Variants in SDK1 observed in about 807,000 individuals in gnomAD.
SDK1 encodes sidekick cell adhesion molecule 1.
In SDK1, 157 loss-of-function variants were observed where a neutral mutation model predicts 245.5. That is an observed-to-expected ratio of 0.64 (90% CI 0.56 to 0.73). The LOEUF (loss-of-function observed/expected upper bound fraction) is 0.73, where lower values mean the gene tolerates loss of function less well. Among genes scored for constraint, SDK1 ranks in the 30% least tolerant of loss-of-function variants. The probability of loss-of-function intolerance (pLI) is 0.00; values close to 1 mark genes in which losing one functional copy is unlikely to be tolerated. For synonymous variants in SDK1, 1,647 were observed against 1,278.5 expected, an observed-to-expected ratio of 1.29 and a Z score of -6.15; for missense variants, 3,583 against 3,002.3, an observed-to-expected ratio of 1.19 and a Z score of -4.52.
chr7:4,132,292 T>C (rs1178346514), intron 27 of SDK1, 33 bp from the exon 28 acceptor site: 10 of 1,532,088 alleles, frequency 6.5e-6, no homozygotes, highest in Non-Finnish European at 9.0e-6. Context: ...AACACTGTCT[T>C]GAGATCTGAA....
intron 1 of SDK1, among the ~76,000 whole-genome samples, chr7:3,407,716 A>C (rs1310923120): frequency 1.3e-5 from 2 of 152,208 alleles, no homozygotes; most frequent in African/African-American, 4.8e-5. Context: ...GCAGTTACAC[A>C]ATGGAATATT....
chr7:4,035,104 G>T (rs137856813), intron 17 of SDK1, among the ~76,000 whole-genome samples: 141 of 152,100 alleles, frequency 9.3e-4, no homozygotes, highest in African/African-American at 3.3e-3. Flanking sequence ...TTAGCCTCCC[G>T]AGTAGCTGGG....
At chr7:3,789,879 G>A (rs1471802451) in intron 4 of SDK1, among the ~76,000 whole-genome samples, 4 of 151,656 alleles carry the variant, frequency 2.6e-5, no homozygotes, top group Non-Finnish European at 5.9e-5. Context: ...GTTTACCCGC[G>A]CACCCTGGAC....
chr7:3,686,863 G>A (rs1044294100), intron 4 of SDK1, among the ~76,000 whole-genome samples: 4 of 152,168 alleles, frequency 2.6e-5, no homozygotes, highest in Non-Finnish European at 4.4e-5. Context: ...TAGGTTCCAG[G>A]GCACTGGGGC....
intron 1 of SDK1, among the ~76,000 whole-genome samples, chr7:3,538,563 C>G (rs1778962818): frequency 6.6e-6 from 1 of 152,194 alleles, no homozygotes; most frequent in Non-Finnish European, 1.5e-5. Context: ...TAAATCTCCC[C>G]ACTTACCTAG....
intron 32 of SDK1, 147 bp from the exon 33 acceptor site, chr7:4,174,075 C>T (rs868671942): frequency 1.4e-5 from 11 of 789,368 alleles, no homozygotes; most frequent in Admixed American, 4.3e-5. Context: ...TGCCTGGGTT[C>T]GTCTTGATGA....
intron 4 of SDK1, among the ~76,000 whole-genome samples, chr7:3,720,250 T>C (rs1457419303): frequency 1.3e-5 from 2 of 152,002 alleles, no homozygotes; most frequent in Admixed American, 6.6e-5. Flanking sequence ...AGCGAGACTC[T>C]GTGTCAAAAA....
rs529486079 is a variant in SDK1, at chr7:3,915,848, G to A, written c.848-35075G>A. Reference sequence around the variant, plus strand: ...TGTATCCAAAACCTGGCCTGGCCACGTTTTGGATAACTTTTTACTTACTTT... The same window carrying A: ...TGTATCCAAAACCTGGCCTGGCCACATTTTGGATAACTTTTTACTTACTTT... On this transcript the variant is annotated intron_variant, in intron 5 of 44. Transcript: ENST00000404826. Among the ~76,000 whole-genome samples, 4 of 152,196 alleles carry A rather than the reference G, an allele frequency of 2.6e-5. No homozygotes were observed. The East Asian group carries it at 7.7e-4, about 29-fold the overall frequency.
chr7:3,794,902 G>A (rs1355414061), intron 4 of SDK1, among the ~76,000 whole-genome samples: 4 of 151,380 alleles, frequency 2.6e-5, no homozygotes, highest in South Asian at 4.2e-4. Context: ...ACTAAACTTG[G>A]CCTTTAAGAA....
intron 44 of SDK1, among the ~76,000 whole-genome samples, chr7:4,261,933 G>A (rs752295075): frequency 1.3e-5 from 2 of 151,530 alleles, no homozygotes; most frequent in African/African-American, 4.9e-5. Context: ...TCCATGCATC[G>A]GGAGGATGTG....
chr7:3,512,975 T>A (rs537962806), intron 1 of SDK1, among the ~76,000 whole-genome samples: 2 of 152,308 alleles, frequency 1.3e-5, no homozygotes, highest in South Asian at 4.1e-4. Context: ...GCCATTGAGA[T>A]GATTGTGCCT....
chr7:3,956,452 C>T (rs576219917), intron 7 of SDK1, among the ~76,000 whole-genome samples: 3 of 152,152 alleles, frequency 2.0e-5, no homozygotes, highest in Non-Finnish European at 4.4e-5. Context: ...TACCCTCACA[C>T]GGTGGGGAAG....
chr7:3,789,508 T>A lies in SDK1; in HGVS notation c.714-31942T>A, dbSNP rs985993665. Among the ~76,000 whole-genome samples, 5 of 152,294 alleles carry A rather than the reference T, an allele frequency of 3.3e-5. No individual in the cohort carries two copies. The East Asian group carries it at 7.7e-4, about 24-fold the overall frequency. ...TGTTCCTAAGCAACCCTTCTTAAAATTAGTTATTTTAATGGGACTTTTTGT... is the reference window on the plus strand; with the variant it reads ...TGTTCCTAAGCAACCCTTCTTAAAAATAGTTATTTTAATGGGACTTTTTGT... On this transcript the variant is annotated intron_variant, in intron 4 of 44. Transcript: ENST00000404826.
intron 4 of SDK1, among the ~76,000 whole-genome samples, chr7:3,757,001 G>A (rs1779951628): frequency 6.6e-6 from 1 of 152,024 alleles, no homozygotes; most frequent in Admixed American, 6.6e-5. Flanking sequence ...TTCTTGAAAG[G>A]TTTTCTTTTC....
intron 1 of SDK1, among the ~76,000 whole-genome samples, chr7:3,571,120 G>A (rs1192011927): frequency 6.6e-5 from 10 of 151,876 alleles, no homozygotes; most frequent in Admixed American, 1.3e-4. Flanking sequence ...CCAAGTCTGC[G>A]TTACTTAATT....
At chr7:3,777,325 A>C (rs1041516599) in intron 4 of SDK1, among the ~76,000 whole-genome samples, 6 of 152,184 alleles carry the variant, frequency 3.9e-5, no homozygotes, top group Non-Finnish European at 8.8e-5. Context: ...AGATATTCCT[A>C]AGCCTTTTTC....
intron 13 of SDK1, among the ~76,000 whole-genome samples, chr7:3,984,304 A>G (rs1241266389): frequency 6.6e-6 from 1 of 152,126 alleles, no homozygotes; most frequent in Non-Finnish European, 1.5e-5. Context: ...AGTGTCTGCA[A>G]AGCACTGCAG....
chr7:3,925,700 G>C (rs1039505322), intron 5 of SDK1, among the ~76,000 whole-genome samples: 2 of 152,190 alleles, frequency 1.3e-5, no homozygotes, highest in African/African-American at 4.8e-5. Context: ...CTAAAGAGAA[G>C]TTTGTAAAAT....
intron 22 of SDK1, among the ~76,000 whole-genome samples, chr7:4,101,433 C>T (rs1489507365): frequency 2.6e-5 from 4 of 152,204 alleles, no homozygotes; most frequent in African/African-American, 9.6e-5. Context: ...AGGCGTGAGC[C>T]ACCGCACCCG....
Sources: allele counts gnomAD v4.1 joint callset (sites outside exome capture counted in the v4.1 genomes callset), GRCh38; gene constraint gnomAD v4.1.1; transcripts MANE v1.5; gene names NCBI Gene and HGNC (gene_info 2026-07-23, HGNC 2026-07-21).